Variants in YIPF7 observed in about 807,000 individuals in gnomAD.
YIPF7 encodes protein YIPF7.
A neutral mutation model predicts 27.2 loss-of-function variants in YIPF7; 35 were observed. The observed-to-expected ratio is 1.29, with a 90% CI of 0.98 to 1.70. The LOEUF (loss-of-function observed/expected upper bound fraction) is 1.70. Among genes scored for constraint, YIPF7 ranks in the 40% most tolerant of loss-of-function variants. The probability of loss-of-function intolerance (pLI) is 0.00; values close to 1 mark genes in which losing one functional copy is unlikely to be tolerated. For missense variants in YIPF7, 358 were observed against 303.7 expected (o/e 1.18, Z -1.33); for synonymous variants, 137 against 110.4 (o/e 1.24, Z -1.51).
chr4:44,659,755 C>T (rs1226096037), intron 2 of YIPF7, among the ~76,000 whole-genome samples: 4 of 152,084 alleles, frequency 2.6e-5, no homozygotes, highest in Non-Finnish European at 5.9e-5. Context: ...CGTCTATATT[C>T]CCTTGATTTA....
chr4:44,642,459 T>C lies in YIPF7; in HGVS notation c.117-6374A>G, dbSNP rs551232480. On this transcript the variant is annotated intron_variant, in intron 2 of 5. Coordinates refer to ENST00000415895, the MANE Select transcript of YIPF7 (RefSeq NM_182592.3). ...ATATCTTTGTATACCATCACTGTAA[T>C]ATTAAATGTTTCATCTCAATAAAAA... Among the ~76,000 whole-genome samples, 20 of 152,276 alleles carry C rather than the reference T, an allele frequency of 1.3e-4. No homozygotes were observed. In the South Asian group the frequency reaches 1.7e-3, roughly 13 times the overall value.
chr4:44,650,234 T>C (rs1174083014), intron 1 of YIPF7, 133 bp from the exon 2 acceptor site: 1 of 681,484 alleles, frequency 1.5e-6, no homozygotes, highest in Admixed American at 2.6e-5. Flanking sequence ...TTGAATGGGG[T>C]CAATAAAGTA....
upstream of YIPF7, among the ~76,000 whole-genome samples, chr4:44,653,696 T>C (rs1171026542): frequency 6.6e-6 from 1 of 152,116 alleles, no homozygotes; most frequent in Non-Finnish European, 1.5e-5. Context: ...ATTCTGTCAG[T>C]TTTTCCATTC....
At chr4:44,627,769 A>C (rs1712725839) in intron 4 of YIPF7, among the ~76,000 whole-genome samples, 2 of 152,230 alleles carry the variant, frequency 1.3e-5, no homozygotes, top group African/African-American at 4.8e-5. Flanking sequence ...GCCTTGAAGA[A>C]AATGAAATGA....
chr4:44,635,801 T>C, intron 3 of YIPF7, 121 bp downstream of exon 3: 1 of 1,180,522 alleles, frequency 8.5e-7, no homozygotes, highest in Non-Finnish European at 1.1e-6. Flanking sequence ...AAACTCTTGT[T>C]ATATGTGAAA....
rs1257423500 is a variant in YIPF7 at position 44,629,619 on chromosome 4, T to A, written c.281-71A>T. 6 of 1,176,706 alleles carry A rather than the reference T, an allele frequency of 5.1e-6. No homozygotes were observed. In the East Asian group the frequency reaches 1.6e-4, roughly 32 times the overall value. The allele number at this position is 1,176,706 out of a possible 1,614,324, so 72.9% of individuals were successfully genotyped here. On this transcript the variant is annotated intron_variant, in intron 3 of 5. Transcript: ENST00000415895. ...AAAAATAAAAATAAGTTACACTCTT[T>A]AAAGGTTAACATATCTGATTAATTT...
chr4:44,622,239 T>C lies in YIPF7; in HGVS notation c.*175A>G, dbSNP rs939622171. 6 of 756,244 alleles carry C rather than the reference T, an allele frequency of 7.9e-6. No individual in the cohort carries two copies. The highest frequency in any genetic ancestry group is 1.3e-5 in the Non-Finnish European group (6 of 477,900). 46.8% of individuals were successfully genotyped at this position (756,244 alleles called of 1,614,324 possible). On this transcript the variant is annotated 3_prime_UTR_variant, in exon 6 of 6. Transcript: ENST00000415895. ...ATGCACCAAACTCAAAAGCAAAACA[T>C]CATTCAAACCAACAGGCTATTAGAG... is the stretch of plus-strand genomic sequence containing the variant.
chr4:44,657,353 C>T (rs1306765692), intron 2 of YIPF7, among the ~76,000 whole-genome samples: 1 of 152,124 alleles, frequency 6.6e-6, no homozygotes, highest in Non-Finnish European at 1.5e-5. Context: ...ATTTATGTTT[C>T]ATACACAAAT....
At position 44,650,113 on chromosome 4, in the gene YIPF7, G is replaced by C. The variant is rs1553873547; in HGVS notation, c.-1-12C>G. The C allele has an allele frequency of 1.1e-5, 16 of 1,461,808 alleles. No individual in the cohort carries two copies. The East Asian group carries it at 3.9e-4, about 35-fold the overall frequency. The allele number at this position is 1,461,808 out of a possible 1,614,324, so 90.6% of individuals were successfully genotyped here. ...CCAAGTTTGACATCCTGAAAAATAA[G>C]AGTATGTTTTTAATAAGTTCATGAG... On this transcript the variant is annotated splice_polypyrimidine_tract_variant and intron_variant, in intron 1 of 5. Coordinates refer to ENST00000415895, the MANE Select transcript of YIPF7 (RefSeq NM_182592.3).
At chr4:44,655,892 A>C (rs1003782847), upstream of YIPF7, among the ~76,000 whole-genome samples, 3 of 152,144 alleles carry the variant, frequency 2.0e-5, no homozygotes, top group Admixed American at 6.5e-5. Context: ...GTTGCACTGC[A>C]TGAATGAATT....
chr4:44,652,379 G>A (rs1219349819), upstream of YIPF7, among the ~76,000 whole-genome samples: 1 of 152,064 alleles, frequency 6.6e-6, no homozygotes, highest in Non-Finnish European at 1.5e-5. Flanking sequence ...TCTCACAGTT[G>A]GAAGTCAAGT....
chr4:44,624,451 C>A, intron 5 of YIPF7, 150 bp downstream of exon 5: 1 of 875,904 alleles, frequency 1.1e-6, no homozygotes, highest in Non-Finnish European at 1.7e-6. Flanking sequence ...AACTAACCTA[C>A]TTTTCTTAAT....
chr4:44,645,320 C>A (rs1356976014), intron 2 of YIPF7, among the ~76,000 whole-genome samples: 2 of 152,106 alleles, frequency 1.3e-5, no homozygotes, highest in Non-Finnish European at 2.9e-5. Flanking sequence ...ATGGCTATGC[C>A]AATGAGTTTT....
intron 2 of YIPF7, among the ~76,000 whole-genome samples, chr4:44,646,744 C>G (rs1577742145): frequency 6.6e-6 from 1 of 152,102 alleles, no homozygotes; most frequent in Admixed American, 6.5e-5. Flanking sequence ...GATCAATACA[C>G]CATTGAGCCA....
chr4:44,649,188 C>A (rs1488218356), intron 2 of YIPF7, among the ~76,000 whole-genome samples: 2 of 152,138 alleles, frequency 1.3e-5, no homozygotes, highest in Non-Finnish European at 2.9e-5. Context: ...ATCTGGTTCT[C>A]AAGAAGTGCC....
chr4:44,622,386 A>C lies in YIPF7; in HGVS notation c.*28T>G, dbSNP rs774290730. On this transcript the variant is annotated 3_prime_UTR_variant, in exon 6 of 6. Transcript: ENST00000415895. ...CCAAAATAATCTGGACAGCAAACAGAGTCTTGAAATGCCATCTCAAACATT... is the reference window on the plus strand; with the variant it reads ...CCAAAATAATCTGGACAGCAAACAGCGTCTTGAAATGCCATCTCAAACATT... 4 of 1,598,292 alleles carry C rather than the reference A, an allele frequency of 2.5e-6. No individual in the cohort carries two copies. In the East Asian group the frequency reaches 9.0e-5, roughly 36 times the overall value.
intron 2 of YIPF7, among the ~76,000 whole-genome samples, chr4:44,641,753 TTA>T (rs1713333283): frequency 6.6e-6 from 1 of 152,202 alleles, no homozygotes; most frequent in Admixed American, 6.5e-5. Context: ...AGATATACAC[TTA>T]ATCATTTACT....
chr4:44,631,856 C>G (rs971870867), intron 3 of YIPF7, among the ~76,000 whole-genome samples: 4 of 152,130 alleles, frequency 2.6e-5, no homozygotes, highest in African/African-American at 9.6e-5. Flanking sequence ...TGCGCTCAAA[C>G]TTTATTTTTT....
upstream of YIPF7, among the ~76,000 whole-genome samples, chr4:44,653,596 C>T (rs555013931): frequency 9.7e-4 from 147 of 152,106 alleles, no homozygotes; most frequent in Non-Finnish European, 1.8e-3. Flanking sequence ...TGAACAAATA[C>T]AGAAGATATT....
Sources: allele counts gnomAD v4.1 joint callset (sites outside exome capture counted in the v4.1 genomes callset), GRCh38; gene constraint gnomAD v4.1.1; transcripts MANE v1.5; gene names NCBI Gene and HGNC (gene_info 2026-07-23, HGNC 2026-07-21).